Variants in SOX6 observed in about 807,000 individuals in gnomAD.
SOX6 encodes the protein transcription factor SOX-6.
Under a neutral mutation model 97.8 loss-of-function variants are expected in SOX6, and 11 were observed. The observed-to-expected ratio is 0.11, with a 90% CI of 0.07 to 0.19. The LOEUF is 0.19. Among genes scored for constraint, SOX6 ranks in the 10% least tolerant of loss-of-function variants. The probability of loss-of-function intolerance (pLI) is 1.00; values close to 1 mark genes in which losing one functional copy is unlikely to be tolerated. For synonymous variants in SOX6, 360 were observed against 371.4 expected (o/e 0.97, Z 0.35); for missense variants, 810 against 1,039.5 (o/e 0.78, Z 3.04).
rs1214927966 is a variant in SOX6 at position 16,605,913 on chromosome 11, C to T, written n.609+6168G>A. On this transcript the variant is annotated intron_variant and non_coding_transcript_variant, in intron 4 of 5. Transcript: ENST00000524520. This position sits in a 1 kb window ranked among gnomAD's most constrained non-coding sequence, Gnocchi z 5.3. ...CTAGGAAACTTACTTTGCATTTAGT[C>T]TCTATTCTTTGGGGGATGCGGTTTA... is the stretch of plus-strand genomic sequence containing the variant. The T allele has an allele frequency of 6.6e-6, 1 of 152,254 alleles. No individual in the cohort carries two copies. Among genetic ancestry groups the T allele is most frequent in the Non-Finnish European group, 1.5e-5 (1 of 68,094 alleles). 9.4% of individuals were successfully genotyped at this position (152,254 alleles called of 1,614,324 possible). A position where few individuals can be genotyped will look rare whatever the true frequency, so the allele number is the denominator to read the frequency against.
chr11:16,449,211 A>T (rs1183805414), intron 1 of SOX6, among the ~76,000 whole-genome samples: 1 of 150,940 alleles, frequency 6.6e-6, no homozygotes, highest in African/African-American at 2.4e-5. Flanking sequence ...AGGCATGTTG[A>T]ACGAGCAGAA....
At chr11:16,732,197 T>C (rs1365811001) in intron 2 of SOX6, among the ~76,000 whole-genome samples, 2 of 152,210 alleles carry the variant, frequency 1.3e-5, no homozygotes, top group Non-Finnish European at 2.9e-5. Flanking sequence ...GCTATCCCCA[T>C]CAAGCTACCA....
At chr11:16,285,728 C>T (rs1438237841) in intron 3 of SOX6, among the ~76,000 whole-genome samples, 3 of 152,028 alleles carry the variant, frequency 2.0e-5, no homozygotes, top group Non-Finnish European at 2.9e-5. Flanking sequence ...CTATGATCAT[C>T]ACAAAGACTC....
At chr11:16,662,851 G>A (rs1236892648) in intron 3 of SOX6, among the ~76,000 whole-genome samples, 48 of 152,092 alleles carry the variant, frequency 3.2e-4, no homozygotes, top group Middle Eastern at 3.4e-3. Flanking sequence ...TTGCCATCAC[G>A]CCTGGCTTTT....
chr11:16,023,441 C>T (rs1317874216), intron 12 of SOX6: 3 of 151,948 alleles, frequency 2.0e-5, no homozygotes, highest in Non-Finnish European at 2.9e-5. Flanking sequence ...AAATAAAATG[C>T]AATTATTTTC....
At chr11:16,263,282 C>T (rs1853959266) in intron 3 of SOX6, among the ~76,000 whole-genome samples, 2 of 151,876 alleles carry the variant, frequency 1.3e-5, no homozygotes, top group Admixed American at 1.3e-4. Context: ...CCCTAGAGTT[C>T]TCCTAGATGT....
intron 4 of SOX6, among the ~76,000 whole-genome samples, chr11:16,561,609 T>C (rs985094944): frequency 2.0e-5 from 3 of 152,184 alleles, no homozygotes; most frequent in African/African-American, 7.2e-5. Flanking sequence ...ACATTAATAT[T>C]TTCAAGTCCC....
intron 4 of SOX6, among the ~76,000 whole-genome samples, chr11:16,214,292 A>G (rs1565024565): frequency 1.3e-5 from 2 of 152,190 alleles, no homozygotes; most frequent in Non-Finnish European, 2.9e-5. Flanking sequence ...CTAGGACAGG[A>G]CAATCTCACC....
intron 4 of SOX6, among the ~76,000 whole-genome samples, chr11:16,193,566 A>T (rs1851689012): frequency 6.6e-6 from 1 of 152,194 alleles, no homozygotes; most frequent in Non-Finnish European, 1.5e-5. Context: ...ATTATAAGAA[A>T]CCTGGGTAAC....
At chr11:16,384,694 A>T (rs954447974) in intron 1 of SOX6, among the ~76,000 whole-genome samples, 3 of 152,078 alleles carry the variant, frequency 2.0e-5, no homozygotes, top group Non-Finnish European at 4.4e-5. Flanking sequence ...ACCTTTTTAC[A>T]TTCTAAAATA....
At chr11:16,553,456 G>A (rs979266753) in intron 4 of SOX6, among the ~76,000 whole-genome samples, 4 of 152,290 alleles carry the variant, frequency 2.6e-5, no homozygotes, top group African/African-American at 2.4e-5. Flanking sequence ...GGAAAGGAGT[G>A]GTGACTTCAA....
At chr11:16,264,294 A>G (rs751130028) in intron 3 of SOX6, among the ~76,000 whole-genome samples, 1 of 151,944 alleles carries the variant, frequency 6.6e-6, no homozygotes, top group Non-Finnish European at 1.5e-5. Flanking sequence ...TTGAACAGAT[A>G]TGTGTATGTT....
chr11:16,658,191 C>T (rs570568803), intron 3 of SOX6, among the ~76,000 whole-genome samples: 1 of 152,270 alleles, frequency 6.6e-6, no homozygotes, highest in African/African-American at 2.4e-5. Context: ...TTTTGGCAAT[C>T]TAGTGGGTAT....
At chr11:16,509,823 G>T (rs1860849960) in intron 4 of SOX6, among the ~76,000 whole-genome samples, 1 of 151,900 alleles carries the variant, frequency 6.6e-6, no homozygotes, top group African/African-American at 2.4e-5. Flanking sequence ...AAAGTAAAAT[G>T]GTTGCTATAA....
intron 3 of SOX6, among the ~76,000 whole-genome samples, chr11:16,713,245 C>A (rs1309744603): frequency 6.6e-6 from 1 of 152,008 alleles, no homozygotes; most frequent in Non-Finnish European, 1.5e-5. Context: ...CAAGCATTTA[C>A]AAACTAATAA....
intron 1 of SOX6, among the ~76,000 whole-genome samples, chr11:16,387,836 T>C (rs1052273144): frequency 5.3e-5 from 8 of 152,144 alleles, no homozygotes; most frequent in African/African-American, 1.9e-4. Context: ...CCCCACCTAC[T>C]TAATATATTA....
chr11:16,431,905 C>T (rs1277225597), intron 1 of SOX6, among the ~76,000 whole-genome samples: 3 of 151,956 alleles, frequency 2.0e-5, no homozygotes, highest in South Asian at 2.1e-4. Context: ...TCCCACATTC[C>T]GGTAATCATT....
At chr11:16,413,374 C>G (rs890370109) in intron 1 of SOX6, among the ~76,000 whole-genome samples, 7 of 152,048 alleles carry the variant, frequency 4.6e-5, no homozygotes, top group Non-Finnish European at 7.4e-5. Flanking sequence ...CCCTAGCTAC[C>G]CATCTCTAAA....
At chr11:16,543,979 T>C (rs1218293548) in intron 4 of SOX6, among the ~76,000 whole-genome samples, 1 of 152,148 alleles carries the variant, frequency 6.6e-6, no homozygotes, top group Non-Finnish European at 1.5e-5. Context: ...AGGATGTCTG[T>C]TGACAGGTGA....
Sources: gnomAD v4.1 joint callset for allele counts (sites outside exome capture counted in the v4.1 genomes callset) on GRCh38, gnomAD v4.1.1 for gene constraint, Gnocchi (gnomAD v3.1) non-coding constraint, MANE v1.5 for transcripts, NCBI Gene and HGNC (gene_info 2026-07-23, HGNC 2026-07-21) for gene names.